The following BBS9 variants were observed in gnomAD, a reference collection of about 807,000 sequenced individuals.
The protein encoded by BBS9 is Bardet-Biedl syndrome 9.
In BBS9, 89 loss-of-function variants were observed where a neutral mutation model predicts 117.7. The observed-to-expected ratio is 0.76, with a 90% CI of 0.64 to 0.90. The LOEUF is 0.90. BBS9 is among the 40% of genes least tolerant of loss of function. BBS9 has a pLI of 0.00. For synonymous variants in BBS9, 379 were observed against 370.9 expected (o/e 1.02, Z -0.25); for missense variants, 982 against 1,042.2 (o/e 0.94, Z 0.80).
At chr7:33,506,850 A>G (rs928957144) in intron 20 of BBS9, among the ~76,000 whole-genome samples, 3 of 152,230 alleles carry the variant, frequency 2.0e-5, no homozygotes, top group Non-Finnish European at 4.4e-5. Flanking sequence ...TGCGACTAAA[A>G]TTGACCTTTG....
At chr7:33,332,120 A>G (rs1452364928) in intron 9 of BBS9, among the ~76,000 whole-genome samples, 1 of 150,964 alleles carries the variant, frequency 6.6e-6, no homozygotes, top group African/African-American at 2.4e-5. Flanking sequence ...GACCAATGGA[A>G]CAGGATAGAG....
Position 33,367,733 on chromosome 7 carries a change from G to T in BBS9, c.1694-34G>T, listed in dbSNP as rs757727981. The T allele has an allele frequency of 3.7e-5, 59 of 1,592,570 alleles. No homozygotes were observed. The highest frequency in any genetic ancestry group is 5.0e-5 in the Non-Finnish European group (58 of 1,160,696). ...TCAAATGTGTTCATTTTGCCTTCTG[G>T]TTACATAAGGTGATTTCTCTCTTTT... On this transcript the variant is annotated intron_variant, in intron 16 of 22. Transcript: ENST00000242067.
At chr7:33,447,614 A>C (rs1837186465) in intron 19 of BBS9, among the ~76,000 whole-genome samples, 1 of 152,180 alleles carries the variant, frequency 6.6e-6, no homozygotes, top group Non-Finnish European at 1.5e-5. Context: ...TTTAGTGTTG[A>C]TTTAGAGAAG....
chr7:33,292,945 G>A (rs1804374827), intron 9 of BBS9, among the ~76,000 whole-genome samples: 1 of 151,300 alleles, frequency 6.6e-6, no homozygotes, highest in Non-Finnish European at 1.5e-5. Context: ...GGCAGAGGTT[G>A]CAGTCAGCTG....
At chr7:33,319,163 A>AG in intron 9 of BBS9, among the ~76,000 whole-genome samples, 1 of 73,666 alleles carries the variant, frequency 1.4e-5, no homozygotes, top group Non-Finnish European at 3.6e-5. Flanking sequence ...ACTCTATGTC[A>AG]AAAAAAAAAA....
intron 19 of BBS9, among the ~76,000 whole-genome samples, chr7:33,497,058 A>G (rs986966898): frequency 6.6e-6 from 1 of 152,214 alleles, no homozygotes; most frequent in Non-Finnish European, 1.5e-5. Context: ...GTCTGCTTCC[A>G]GTTCTCTCCT....
chr7:33,541,681 C>T (rs10267428), intron 21 of BBS9, among the ~76,000 whole-genome samples: 69,976 of 151,900 alleles, frequency 0.46, 16,729 homozygotes, highest in South Asian at 0.57. Context: ...TTACGGTAAG[C>T]GAAAGAAGCC....
At chr7:33,152,997 T>G in intron 3 of BBS9, 146 bp downstream of exon 3, 1 of 844,272 alleles carries the variant, frequency 1.2e-6, no homozygotes, top group Non-Finnish European at 1.8e-6. Flanking sequence ...ACGTATGGAA[T>G]GCTTTTTATG....
rs1400092534 is a variant in BBS9 at position 33,344,616 on chromosome 7, C to G, written c.1311C>G (p.Val437=). The G allele has an allele frequency of 1.2e-6, 2 of 1,613,872 alleles. No individual in the cohort carries two copies. The highest frequency in any genetic ancestry group is 1.3e-5 in the African/African-American group (1 of 74,898). Residue 437 remains valine, a synonymous_variant, in exon 12 of 23, where the codon GTC becomes GTG. Coordinates refer to ENST00000242067, the MANE Select transcript of BBS9 (RefSeq NM_198428.3). ...ATGTTGAGGTGGGAACTGACCTTGT[C>G]CCTTCTGTCACGGTGAAGGTATTGT... ...ATDVEVGTDL[V]PSVTVKVTLQ...
At chr7:33,435,914 T>G (rs1835239858) in intron 19 of BBS9, among the ~76,000 whole-genome samples, 1 of 152,178 alleles carries the variant, frequency 6.6e-6, no homozygotes, top group Non-Finnish European at 1.5e-5. Context: ...AAGAGTACTC[T>G]GAAGAATTAC....
chr7:33,175,843 C>T (rs1797264852), intron 4 of BBS9, among the ~76,000 whole-genome samples: 2 of 152,160 alleles, frequency 1.3e-5, no homozygotes. Flanking sequence ...CTCATGTACA[C>T]ATAGGAATAT....
At chr7:33,590,462 T>TTTG (rs1554551726) in intron 21 of BBS9, among the ~76,000 whole-genome samples, 51 of 145,294 alleles carry the variant, frequency 3.5e-4, no homozygotes, top group African/African-American at 1.3e-3. Flanking sequence ...TTTTTTTGTT[T>TTTG]TTTTTTTTTT....
intron 5 of BBS9, among the ~76,000 whole-genome samples, chr7:33,180,894 C>A (rs1192117822): frequency 6.6e-6 from 1 of 151,414 alleles, no homozygotes; most frequent in Non-Finnish European, 1.5e-5. Context: ...TCCTCACATA[C>A]CGTGGCGACC....
At chr7:33,340,582 A>G (rs1816309907) in intron 10 of BBS9, among the ~76,000 whole-genome samples, 1 of 152,158 alleles carries the variant, frequency 6.6e-6, no homozygotes, top group African/African-American at 2.4e-5. Context: ...GTTCTAGCCA[A>G]CTTACCTTCA....
At chr7:33,448,948 TATTATTACCTGCATTTTG>T (rs1407398659) in intron 19 of BBS9, among the ~76,000 whole-genome samples, 9 of 152,238 alleles carry the variant, frequency 5.9e-5, no homozygotes, top group African/African-American at 2.2e-4. Context: ...CAAGAGTAGG[TATTATTACCTGCATTTTG>T]CAGTTAAACT....
chr7:33,404,690 A>AT lies in BBS9; in HGVS notation c.2115+16550dup, dbSNP rs1228099641. On this transcript the variant is annotated intron_variant, in intron 19 of 22. Coordinates refer to ENST00000242067, the MANE Select transcript of BBS9 (RefSeq NM_198428.3). ...GAATGCTTGTGATTTTTGTACATTG[A>AT]TTTTGTATCCTGAGACTTTGCTGAA... is the stretch of plus-strand genomic sequence containing the variant. Among the ~76,000 whole-genome samples, 14 of 150,162 alleles carry AT rather than the reference A, an allele frequency of 9.3e-5. No individual in the cohort carries two copies. In the East Asian group the frequency reaches 2.7e-3, roughly 29 times the overall value.
At chr7:33,299,479 T>A (rs1805934903) in intron 9 of BBS9, among the ~76,000 whole-genome samples, 1 of 151,338 alleles carries the variant, frequency 6.6e-6, no homozygotes, top group Non-Finnish European at 1.5e-5. Context: ...TTTCCAGTAA[T>A]GTTGAAGTAG....
chr7:33,350,279 T>C (rs778406587), intron 13 of BBS9, among the ~76,000 whole-genome samples: 3 of 152,218 alleles, frequency 2.0e-5, no homozygotes, highest in African/African-American at 4.8e-5. Flanking sequence ...CTGCCGTTAG[T>C]AGGAATTCAA....
chr7:33,284,110 C>T (rs1010152476), intron 9 of BBS9, among the ~76,000 whole-genome samples: 8 of 152,148 alleles, frequency 5.3e-5, no homozygotes, highest in African/African-American at 1.7e-4. Context: ...CATGCATGTC[C>T]TTAAATCTCA....
Sources: gnomAD v4.1 joint callset for allele counts (sites outside exome capture counted in the v4.1 genomes callset) on GRCh38, gnomAD v4.1.1 for gene constraint, MANE v1.5 for transcripts, NCBI Gene and HGNC (gene_info 2026-07-23, HGNC 2026-07-21) for gene names.